PDE3A: variants seen among roughly 807,000 people sequenced by gnomAD.
PDE3A encodes the protein cGMP-inhibited 3',5'-cyclic phosphodiesterase 3A.
Under a neutral mutation model 98.3 loss-of-function variants are expected in PDE3A, and 43 were observed. The observed-to-expected ratio is 0.44, with a 90% CI of 0.34 to 0.56. PDE3A has a LOEUF of 0.56. PDE3A is among the 20% of genes least tolerant of loss of function. PDE3A has a pLI of 0.01. For synonymous variants in PDE3A, 663 were observed against 567.9 expected (o/e 1.17, Z -2.38); for missense variants, 1,427 against 1,440.7 (o/e 0.99, Z 0.15).
intron 1 of PDE3A, among the ~76,000 whole-genome samples, chr12:20,502,680 A>G (rs1946044887): frequency 6.6e-6 from 1 of 152,154 alleles, no homozygotes; most frequent in Admixed American, 6.6e-5. Flanking sequence ...ACATCATCCA[A>G]TCTAACCTTT....
intron 15 of PDE3A, among the ~76,000 whole-genome samples, chr12:20,670,488 A>G (rs2120416272): frequency 6.6e-6 from 1 of 152,344 alleles, no homozygotes; most frequent in African/African-American, 2.4e-5. Flanking sequence ...CAGAAATTAT[A>G]ACAAACTATC....
intron 2 of PDE3A, among the ~76,000 whole-genome samples, chr12:20,585,968 A>G (rs952077801): frequency 2.6e-5 from 4 of 152,218 alleles, no homozygotes; most frequent in African/African-American, 9.6e-5. Flanking sequence ...TTATGGGAGC[A>G]TGGATATGCA....
intron 1 of PDE3A, among the ~76,000 whole-genome samples, chr12:20,452,282 A>G (rs10047560): frequency 0.87 from 132,347 of 152,230 alleles, 59,695 homozygotes; most frequent in East Asian, 1. Flanking sequence ...TAGCAATCAT[A>G]CCTAATGAGT....
In PDE3A at chr12:20,457,078, A is replaced by G. The variant is rs547323799; in HGVS notation, c.960+86834A>G. ...CTATGTCCAACAAAAAACAAAAACC[A>G]CATAAAACAAACAAAACCTGACAAT... is the stretch of plus-strand genomic sequence containing the variant. On this transcript the variant is annotated intron_variant, in intron 1 of 15. Transcript: ENST00000359062. 1.0e-2 allele frequency among the ~76,000 whole-genome samples: 1,331 copies of G among 133,330 alleles called. 20 individuals are homozygous for G. The highest frequency in any genetic ancestry group is 0.032 in the African/African-American group (1,250 of 39,210). The allele number at this position is 133,330 out of a possible 152,430, so 87.5% of individuals were successfully genotyped here.
intron 1 of PDE3A, among the ~76,000 whole-genome samples, chr12:20,554,799 C>T (rs1172316357): frequency 6.6e-6 from 1 of 151,986 alleles, no homozygotes; most frequent in African/African-American, 2.4e-5. Flanking sequence ...GTTGGCCAGG[C>T]TGGTCATGAA....
intron 1 of PDE3A, among the ~76,000 whole-genome samples, chr12:20,378,848 C>T (rs1943616764): frequency 6.6e-6 from 1 of 151,516 alleles, no homozygotes; most frequent in Non-Finnish European, 1.5e-5. Flanking sequence ...TTTCTGTTCT[C>T]CATCTCTATC....
intron 5 of PDE3A, among the ~76,000 whole-genome samples, chr12:20,627,873 A>C (rs1944302051): frequency 6.6e-6 from 1 of 152,190 alleles, no homozygotes; most frequent in Non-Finnish European, 1.5e-5. Flanking sequence ...CTACCACATC[A>C]TACTAGGATT....
chr12:20,650,605 C>G lies in PDE3A; in HGVS notation c.2925+5C>G, dbSNP rs1264307749. The G allele has an allele frequency of 2.3e-5, 36 of 1,595,226 alleles. No individual in the cohort carries two copies. The highest frequency in any genetic ancestry group is 3.1e-5 in the Non-Finnish European group (36 of 1,163,830). ...GTCAATGAATTTTATGAACAGGTAA[C>G]TGACCACTGTTTAATACAGCTTAAT... On this transcript the variant is annotated splice_donor_5th_base_variant and intron_variant, in intron 14 of 15. Transcript: ENST00000359062.
chr12:20,666,892 A>G (rs1945328580), intron 15 of PDE3A, among the ~76,000 whole-genome samples: 1 of 152,198 alleles, frequency 6.6e-6, no homozygotes, highest in Non-Finnish European at 1.5e-5. Context: ...ATATACCTAC[A>G]AACAGTGTTA....
At chr12:20,549,299 C>A (rs2121245958) in intron 1 of PDE3A, among the ~76,000 whole-genome samples, 1 of 150,586 alleles carries the variant, frequency 6.6e-6, no homozygotes, top group South Asian at 2.1e-4. Flanking sequence ...CCACTCTCCA[C>A]CCCATGCCCC....
intron 2 of PDE3A, chr12:20,572,241 C>A: frequency 1.8e-6 from 1 of 567,980 alleles, no homozygotes; most frequent in Non-Finnish European, 2.6e-6. Context: ...AGTTGAAAGC[C>A]TTTTAAAAAT....
chr12:20,538,976 T>C (rs1941825018), intron 1 of PDE3A, among the ~76,000 whole-genome samples: 1 of 151,330 alleles, frequency 6.6e-6, no homozygotes, highest in Admixed American at 6.6e-5. Context: ...ACAACACCAA[T>C]CAGTTATTCT....
intron 1 of PDE3A, among the ~76,000 whole-genome samples, chr12:20,439,174 G>A (rs1944827600): frequency 6.6e-6 from 1 of 152,050 alleles, no homozygotes; most frequent in Non-Finnish European, 1.5e-5. Context: ...TTTCTGTAAT[G>A]ATCCAGAAAA....
At chr12:20,535,733 C>T (rs1006422112) in intron 1 of PDE3A, among the ~76,000 whole-genome samples, 1 of 152,004 alleles carries the variant, frequency 6.6e-6, no homozygotes, top group African/African-American at 2.4e-5. Flanking sequence ...AGGCAGCATC[C>T]AACAGCTCTC....
intron 2 of PDE3A, among the ~76,000 whole-genome samples, chr12:20,571,471 CTT>C: frequency 6.6e-6 from 1 of 152,136 alleles, no homozygotes; most frequent in Non-Finnish European, 1.5e-5. Flanking sequence ...ATACATGATC[CTT>C]TTAAGCCCTT....
At position 20,404,296 on chromosome 12, in the gene PDE3A, C is replaced by A. The variant is rs772122569; in HGVS notation, c.960+34052C>A. Among the ~76,000 whole-genome samples, 99 of 152,012 alleles carry A rather than the reference C, an allele frequency of 6.5e-4. 1 individual carries two copies. The highest frequency in any genetic ancestry group is 9.1e-4 in the Non-Finnish European group (62 of 67,930). ...GGGGGATATATTATTATTTTTTCCT[C>A]ATTTCTTGAGTGAAATTTTAGCAGA... On this transcript the variant is annotated intron_variant, in intron 1 of 15. Coordinates refer to ENST00000359062, the MANE Select transcript of PDE3A (RefSeq NM_000921.5).
intron 15 of PDE3A, among the ~76,000 whole-genome samples, chr12:20,655,249 G>C (rs1341403930): frequency 1.3e-5 from 2 of 152,134 alleles, no homozygotes; most frequent in East Asian, 1.9e-4. Context: ...AAGATGTAAA[G>C]CAGGGAAAGA....
At chr12:20,399,261 A>G (rs1944078051) in intron 1 of PDE3A, among the ~76,000 whole-genome samples, 1 of 152,146 alleles carries the variant, frequency 6.6e-6, no homozygotes, top group Non-Finnish European at 1.5e-5. Flanking sequence ...TGTTTATTGT[A>G]CATATGTTGC....
chr12:20,547,255 C>T (rs1276846898), intron 1 of PDE3A, among the ~76,000 whole-genome samples: 3 of 152,090 alleles, frequency 2.0e-5, no homozygotes, highest in Admixed American at 2.0e-4. Flanking sequence ...GTTCTCCCTT[C>T]GTTTATTCTA....
Sources: gnomAD v4.1 joint callset for allele counts (sites outside exome capture counted in the v4.1 genomes callset) on GRCh38, gnomAD v4.1.1 for gene constraint, MANE v1.5 for transcripts, NCBI Gene and HGNC (gene_info 2026-07-23, HGNC 2026-07-21) for gene names.